Variants in TMEM154 observed in about 807,000 individuals in gnomAD.
The protein encoded by TMEM154 is transmembrane protein 154.
TMEM154 carries 27 observed loss-of-function variants against 24.5 expected under a neutral mutation model. The ratio of observed to expected loss-of-function variants is 1.10; its 90% confidence interval spans 0.81 to 1.52. The LOEUF is 1.52. TMEM154 is among the 40% of genes most tolerant of loss of function. The pLI is 0.00. For synonymous variants in TMEM154, 67 were observed against 76.8 expected, an observed-to-expected ratio of 0.87 and a Z score of 0.67; for missense variants, 228 against 213.4, an observed-to-expected ratio of 1.07 and a Z score of -0.43.
rs6843316 is a variant in TMEM154 at position 152,658,707 on chromosome 4, G to A, written c.65-5780C>T. Among the ~76,000 whole-genome samples, 199 of 149,964 alleles carry A rather than the reference G, an allele frequency of 1.3e-3. 1 individual carries two copies. The highest frequency in any genetic ancestry group is 4.6e-3 in the African/African-American group (187 of 40,578). On this transcript the variant is annotated intron_variant, in intron 1 of 6. Transcript: ENST00000304385. ...ACACTTCTGTAGTTCCAGCTACTTGGGAGGCTGAGGCAGGAGGATCACTTC... is the reference window on the plus strand; with the variant it reads ...ACACTTCTGTAGTTCCAGCTACTTGAGAGGCTGAGGCAGGAGGATCACTTC...
At chr4:152,675,898 GGATTCCAAA>G (rs1728944943) in intron 1 of TMEM154, among the ~76,000 whole-genome samples, 1 of 152,110 alleles carries the variant, frequency 6.6e-6, no homozygotes, top group South Asian at 2.1e-4. Flanking sequence ...TGGTTTCCTG[GGATTCCAAA>G]TTTCAGACAC....
At position 152,637,523 on chromosome 4, in the gene TMEM154, CAACAAGAATGA is replaced by C. The variant is rs1752172949; in HGVS notation, c.536+3394_536+3404del. 4.6e-5 allele frequency among the ~76,000 whole-genome samples: 7 copies of C among 151,182 alleles called. No individual in the cohort carries two copies. The South Asian group carries it at 1.5e-3, about 32-fold the overall frequency. On this transcript the variant is annotated intron_variant, in intron 6 of 6. Transcript: ENST00000304385. ...TTGCACCATTGCACTCCAGCATGGG[CAACAAGAATGA>C]AACTCAGTCTCGAAAAAAAAAAATT...
chr4:152,664,377 CGG>C (rs1282752051), intron 1 of TMEM154, among the ~76,000 whole-genome samples: 5 of 129,384 alleles, frequency 3.9e-5, no homozygotes, highest in Admixed American at 3.6e-4. Flanking sequence ...CCTGTCGTGG[CGG>C]GGGGGTACAA....
Position 152,623,715 on chromosome 4 carries a change from A to C in TMEM154, c.*4831T>G, listed in dbSNP as rs1481849016. ...GCCAACATGGCGAAACCCTGTCTCTACTAAAAATACAAAAATTAGTTGTGC... is the reference window on the plus strand; with the variant it reads ...GCCAACATGGCGAAACCCTGTCTCTCCTAAAAATACAAAAATTAGTTGTGC... On this transcript the variant is annotated 3_prime_UTR_variant, in exon 7 of 7. Transcript: ENST00000304385. 2 of 152,182 alleles carry C rather than the reference A, an allele frequency of 1.3e-5. No homozygotes were observed. The highest frequency in any genetic ancestry group is 2.9e-5 in the Non-Finnish European group (2 of 68,054). 9.4% of individuals were successfully genotyped at this position (152,182 alleles called of 1,614,324 possible).
chr4:152,658,817 GA>G (rs34975631), intron 1 of TMEM154, among the ~76,000 whole-genome samples: 85,329 of 143,638 alleles, frequency 0.59, 24,623 homozygotes, highest in Admixed American at 0.64. Flanking sequence ...CATCTCAAAA[GA>G]AAAAAAAAAA....
chr4:152,677,024 C>T (rs925942472), intron 1 of TMEM154, among the ~76,000 whole-genome samples: 2 of 152,188 alleles, frequency 1.3e-5, no homozygotes, highest in African/African-American at 2.4e-5. Context: ...AGAACAGAGA[C>T]GGGGACACCC....
At chr4:152,647,976 T>G (rs1561049797) in intron 3 of TMEM154, among the ~76,000 whole-genome samples, 1 of 151,804 alleles carries the variant, frequency 6.6e-6, no homozygotes, top group Non-Finnish European at 1.5e-5. Context: ...ACAAGACAAA[T>G]AAGACTAGCT....
chr4:152,679,214 C>CT (rs907572503), intron 1 of TMEM154, among the ~76,000 whole-genome samples: 1 of 151,778 alleles, frequency 6.6e-6, no homozygotes, highest in African/African-American at 2.4e-5. Context: ...AATCATATTA[C>CT]TTTTTCAAAC....
chr4:152,634,641 C>T (rs2149778574), intron 6 of TMEM154, among the ~76,000 whole-genome samples: 1 of 152,338 alleles, frequency 6.6e-6, no homozygotes, highest in African/African-American at 2.4e-5. Flanking sequence ...TACATCTTCT[C>T]TCATCCAACA....
At chr4:152,641,718 A>C (rs1162886480) in intron 5 of TMEM154, among the ~76,000 whole-genome samples, 1 of 78,840 alleles carries the variant, frequency 1.3e-5, no homozygotes, top group Non-Finnish European at 2.5e-5. Context: ...TATTACTTTT[A>C]GCAACTGAAA....
intron 2 of TMEM154, 27 bp downstream of exon 2, chr4:152,652,640 G>A: frequency 6.2e-7 from 1 of 1,613,258 alleles, no homozygotes; most frequent in Non-Finnish European, 8.5e-7. Flanking sequence ...GCAATTTTCT[G>A]GAAATGGAAA....
rs1561039949 is a variant in TMEM154, at chr4:152,620,963, A to C, written c.*7583T>G. Reference sequence around the variant, plus strand: ...TACTAGGATTAAAATGAGATGATGTATGTTTAGTGTTTAGCACCTTCTGGC... The same window carrying C: ...TACTAGGATTAAAATGAGATGATGTCTGTTTAGTGTTTAGCACCTTCTGGC... On this transcript the variant is annotated 3_prime_UTR_variant, in exon 7 of 7. Transcript: ENST00000304385. The C allele has an allele frequency of 6.6e-6, 1 of 152,330 alleles. No homozygotes were observed. Among genetic ancestry groups the C allele is most frequent in the Non-Finnish European group, 1.5e-5 (1 of 68,034 alleles). 9.4% of individuals were successfully genotyped at this position (152,330 alleles called of 1,614,324 possible).
intron 1 of TMEM154, chr4:152,668,367 TAC>T (rs1312048775): frequency 2.0e-5 from 3 of 152,272 alleles, no homozygotes; most frequent in Non-Finnish European, 4.4e-5. Context: ...ACTATATTTC[TAC>T]TTATTTTATT....
At position 152,622,125 on chromosome 4, in the gene TMEM154, A is replaced by C. The variant is rs1751852679; in HGVS notation, c.*6421T>G. The C allele has an allele frequency of 6.6e-6, 1 of 152,220 alleles. No homozygotes were observed. Among genetic ancestry groups the C allele is most frequent in the Non-Finnish European group, 1.5e-5 (1 of 68,042 alleles). The allele number at this position is 152,220 out of a possible 1,614,324, so 9.4% of individuals were successfully genotyped here. A position where few individuals can be genotyped will look rare whatever the true frequency, so the allele number is the denominator to read the frequency against. On this transcript the variant is annotated 3_prime_UTR_variant, in exon 7 of 7. Transcript: ENST00000304385. ...GAGCCACCATGCCTGGCCTACTAGA[A>C]ATATTTTTAAAAGTTATATTCTCAT...
chr4:152,668,606 G>A (rs1278621703), intron 1 of TMEM154: 1 of 152,250 alleles, frequency 6.6e-6, no homozygotes, highest in Non-Finnish European at 1.5e-5. Context: ...CATTGCCAGA[G>A]AGAAAAACTG....
chr4:152,629,129 G>A (rs1751983339), intron 6 of TMEM154, among the ~76,000 whole-genome samples: 1 of 152,212 alleles, frequency 6.6e-6, no homozygotes, highest in Non-Finnish European at 1.5e-5. Context: ...ATAATCCCTA[G>A]CTCTTTCTCC....
intron 1 of TMEM154, among the ~76,000 whole-genome samples, chr4:152,674,512 C>T (rs1451100274): frequency 2.0e-5 from 3 of 152,130 alleles, no homozygotes; most frequent in African/African-American, 7.2e-5. Context: ...TGGCGCCTGG[C>T]TTGCTCCACT....
chr4:152,656,786 T>G (rs1247684314), intron 1 of TMEM154, among the ~76,000 whole-genome samples: 1 of 151,808 alleles, frequency 6.6e-6, no homozygotes, highest in Non-Finnish European at 1.5e-5. Flanking sequence ...CCGGGCATGG[T>G]GGTGCATGCC....
In TMEM154 at chr4:152,644,460, T is replaced by C. The variant is rs1210935969; in HGVS notation, c.365-18A>G. The C allele has an allele frequency of 6.2e-7, 1 of 1,613,594 alleles. No homozygotes were observed. The highest frequency in any genetic ancestry group is 2.2e-5 in the East Asian group (1 of 44,904). ...CAGTTCATCTAAAAGGAAATGAACA[T>C]AAAGGTCATGTTAGCTTTGTTCTTC... is the stretch of plus-strand genomic sequence containing the variant. On this transcript the variant is annotated intron_variant, in intron 3 of 6. Transcript: ENST00000304385.
Sources: gnomAD v4.1 joint callset for allele counts (sites outside exome capture counted in the v4.1 genomes callset) on GRCh38, gnomAD v4.1.1 for gene constraint, MANE v1.5 for transcripts, NCBI Gene and HGNC (gene_info 2026-07-23, HGNC 2026-07-21) for gene names.